Variants in RCAN2 observed in about 807,000 individuals in gnomAD.
RCAN2 encodes regulator of calcineurin 2.
A neutral mutation model predicts 23.6 loss-of-function variants in RCAN2; 9 were observed. The ratio of observed to expected loss-of-function variants is 0.38; its 90% confidence interval spans 0.23 to 0.67. The LOEUF is 0.67. RCAN2 is among the 30% of genes least tolerant of loss of function. The pLI is 0.51. For synonymous variants in RCAN2, 109 were observed against 115.7 expected (o/e 0.94, Z 0.37); for missense variants, 273 against 302.3 (o/e 0.90, Z 0.72).
chr6:46,446,164 G>GAA (rs1253920370), intron 2 of RCAN2, among the ~76,000 whole-genome samples: 45 of 121,260 alleles, frequency 3.7e-4, no homozygotes, highest in Admixed American at 2.1e-3. Context: ...CTAAAAGCAA[G>GAA]AAAAAAAAAA....
intron 2 of RCAN2, chr6:46,325,620 C>T: frequency 6.9e-7 from 1 of 1,439,920 alleles, no homozygotes; most frequent in South Asian, 1.5e-5. Context: ...GCTCCTGGAG[C>T]CCGCTCCCAC....
rs187357630 is a variant in RCAN2 at position 46,414,764 on chromosome 6, A to G, written c.225+41988T>C. On this transcript the variant is annotated intron_variant, in intron 2 of 4. Coordinates refer to ENST00000371374, the MANE Select transcript of RCAN2 (RefSeq NM_001251974.2). ...GCAGATTTCAGGCTTACCAGCCTCT[A>G]CAATCTCATGAGCCAATTCCTTAAA... Among the ~76,000 whole-genome samples the G allele has an allele frequency of 5.9e-5, 9 of 152,318 alleles. No individual in the cohort carries two copies. The East Asian group carries it at 1.5e-3, about 26-fold the overall frequency.
chr6:46,280,262 G>T (rs1195675921), intron 2 of RCAN2, among the ~76,000 whole-genome samples: 1 of 152,120 alleles, frequency 6.6e-6, no homozygotes, highest in Non-Finnish European at 1.5e-5. Context: ...CCATTCAAGG[G>T]AGCATTTAAA....
chr6:46,253,777 C>T (rs1487036548), intron 2 of RCAN2, among the ~76,000 whole-genome samples: 1 of 152,062 alleles, frequency 6.6e-6, no homozygotes, highest in Non-Finnish European at 1.5e-5. Context: ...TGTGGTCCCA[C>T]AAGATTATAA....
chr6:46,475,985 A>G (rs2150444289), intron 1 of RCAN2, among the ~76,000 whole-genome samples: 1 of 152,312 alleles, frequency 6.6e-6, no homozygotes, highest in East Asian at 1.9e-4. Flanking sequence ...AAGATGGAAC[A>G]TGTAGGTGGA....
intron 2 of RCAN2, among the ~76,000 whole-genome samples, chr6:46,298,350 CA>C (rs1762786146): frequency 6.6e-6 from 1 of 151,874 alleles, no homozygotes; most frequent in South Asian, 2.1e-4. Context: ...TGTCAATGCT[CA>C]AAATAAAACT....
intron 2 of RCAN2, among the ~76,000 whole-genome samples, chr6:46,419,936 A>T (rs1316400599): frequency 6.6e-6 from 1 of 152,232 alleles, no homozygotes; most frequent in Non-Finnish European, 1.5e-5. Flanking sequence ...CAAAAAAGTC[A>T]TGTAGTCTTT....
intron 2 of RCAN2, among the ~76,000 whole-genome samples, chr6:46,406,431 T>G (rs1268460924): frequency 6.6e-6 from 1 of 152,242 alleles, no homozygotes; most frequent in Non-Finnish European, 1.5e-5. Context: ...TGGCAGCTAT[T>G]TTTTGGTCTG....
chr6:46,449,491 G>GA (rs940804514), intron 2 of RCAN2, among the ~76,000 whole-genome samples: 14 of 146,958 alleles, frequency 9.5e-5, no homozygotes, highest in East Asian at 5.9e-4. Flanking sequence ...CACAGAAATA[G>GA]AAAAAAAAAA....
At chr6:46,246,102 C>A (rs1766502573) in intron 4 of RCAN2, among the ~76,000 whole-genome samples, 2 of 152,072 alleles carry the variant, frequency 1.3e-5, no homozygotes, top group African/African-American at 4.8e-5. Context: ...TAGCAAAAAA[C>A]CTGGAAATAA....
At chr6:46,381,888 T>G (rs1037816807) in intron 2 of RCAN2, among the ~76,000 whole-genome samples, 1 of 152,178 alleles carries the variant, frequency 6.6e-6, no homozygotes, top group African/African-American at 2.4e-5. Context: ...GGTAAACTGC[T>G]CTCCAGAGTC....
At chr6:46,376,302 CTT>C (rs1398860298) in intron 2 of RCAN2, among the ~76,000 whole-genome samples, 1 of 152,196 alleles carries the variant, frequency 6.6e-6, no homozygotes, top group African/African-American at 2.4e-5. Flanking sequence ...TCCCTTGCCT[CTT>C]TGCAAAACCT....
At chr6:46,408,422 C>A (rs1362976110) in intron 2 of RCAN2, among the ~76,000 whole-genome samples, 2 of 152,164 alleles carry the variant, frequency 1.3e-5, no homozygotes, top group Admixed American at 1.3e-4. Context: ...AGCACTTTAG[C>A]CTGACTTCTC....
intron 2 of RCAN2, among the ~76,000 whole-genome samples, chr6:46,400,477 A>G (rs1357632472): frequency 6.6e-6 from 1 of 152,204 alleles, no homozygotes; most frequent in East Asian, 1.9e-4. Context: ...TCTGGCTAGT[A>G]AAAACCATAG....
intron 3 of RCAN2, 39 bp downstream of exon 3, chr6:46,248,684 T>C (rs764247757): frequency 1.3e-6 from 2 of 1,482,988 alleles, no homozygotes; most frequent in Admixed American, 2.2e-5. Flanking sequence ...AAAAATAATG[T>C]AGGGCAAAAA....
intron 2 of RCAN2, among the ~76,000 whole-genome samples, chr6:46,366,234 A>G (rs1221047539): frequency 1.3e-5 from 2 of 152,046 alleles, no homozygotes; most frequent in Non-Finnish European, 2.9e-5. Flanking sequence ...TTCATTCCCA[A>G]CTCGAAATAA....
chr6:46,411,174 A>G (rs1766540835), intron 2 of RCAN2, among the ~76,000 whole-genome samples: 1 of 152,232 alleles, frequency 6.6e-6, no homozygotes, highest in South Asian at 2.1e-4. Context: ...CTATGATGGA[A>G]TATTATTCAG....
At chr6:46,292,177 T>C (rs1033576429) in intron 2 of RCAN2, among the ~76,000 whole-genome samples, 2 of 152,196 alleles carry the variant, frequency 1.3e-5, no homozygotes, top group Admixed American at 6.5e-5. Context: ...ACAATGACAG[T>C]GCTTGGAAAG....
At chr6:46,329,664 G>A (rs758359395) in intron 2 of RCAN2, among the ~76,000 whole-genome samples, 13 of 152,132 alleles carry the variant, frequency 8.5e-5, no homozygotes, top group Admixed American at 2.0e-4. Context: ...GGTGAGTTCG[G>A]TGATAACCTC....
Sources: gnomAD v4.1 joint callset for allele counts (sites outside exome capture counted in the v4.1 genomes callset) on GRCh38, gnomAD v4.1.1 for gene constraint, MANE v1.5 for transcripts, NCBI Gene and HGNC (gene_info 2026-07-23, HGNC 2026-07-21) for gene names.